The following PRKCE variants were observed in gnomAD, a reference collection of about 807,000 sequenced individuals.
The protein encoded by PRKCE is protein kinase C epsilon type.
PRKCE carries 16 observed loss-of-function variants against 85.4 expected under a neutral mutation model. That is an observed-to-expected ratio of 0.19 (90% CI 0.13 to 0.28). The LOEUF is 0.28. Ranked by LOEUF, PRKCE falls within the 10% of genes least tolerant of loss-of-function variation. PRKCE has a pLI of 1.00. For synonymous variants in PRKCE, 388 were observed against 371.5 expected, an observed-to-expected ratio of 1.04 and a Z score of -0.51; for missense variants, 573 against 975.2, an observed-to-expected ratio of 0.59 and a Z score of 5.49.
At chr2:46,096,911 A>C (rs67490391) in intron 11 of PRKCE, among the ~76,000 whole-genome samples, 21,632 of 152,176 alleles carry the variant, frequency 0.14, 1,663 homozygotes, top group Middle Eastern at 0.23. Context: ...ACTTGGCATA[A>C]ATTGTAATAG....
intron 14 of PRKCE, among the ~76,000 whole-genome samples, chr2:46,161,029 A>G (rs1055033736): frequency 1.3e-5 from 2 of 152,212 alleles, no homozygotes; most frequent in African/African-American, 4.8e-5. Flanking sequence ...GGGACAGCCC[A>G]GATTTAGGTT....
chr2:45,945,164 G>T (rs1700159771), intron 2 of PRKCE, among the ~76,000 whole-genome samples: 1 of 152,182 alleles, frequency 6.6e-6, no homozygotes, highest in Non-Finnish European at 1.5e-5. Flanking sequence ...TGCTGTGTGA[G>T]TCCATTCTTG....
chr2:45,690,338 C>T (rs1020481619), intron 1 of PRKCE, among the ~76,000 whole-genome samples: 41 of 152,334 alleles, frequency 2.7e-4, no homozygotes, highest in African/African-American at 9.4e-4. Flanking sequence ...TGTGCTGCTT[C>T]TCTTGGGGGA....
intron 10 of PRKCE, among the ~76,000 whole-genome samples, chr2:46,015,691 C>CAAAAAAAAAAAAAAAA (rs749060776): frequency 3.7e-5 from 3 of 80,800 alleles, no homozygotes; most frequent in Non-Finnish European, 4.9e-5. Context: ...AACACTAAAC[C>CAAAAAAAAAAAAAAAA]AAAAAAAAAA....
intron 11 of PRKCE, among the ~76,000 whole-genome samples, chr2:46,135,746 C>CTTTTTTTT (rs11417233): frequency 0.011 from 219 of 20,666 alleles, 76 homozygotes; most frequent in African/African-American, 0.036. Context: ...ACAAATTATG[C>CTTTTTTTT]TTTTTTTTTT....
At chr2:45,736,189 G>A (rs1682041835) in intron 1 of PRKCE, among the ~76,000 whole-genome samples, 1 of 152,086 alleles carries the variant, frequency 6.6e-6, no homozygotes, top group South Asian at 2.1e-4. Context: ...TTGAACTCCT[G>A]GCTTCAAGTG....
chr2:46,094,067 G>T (rs1272639568), intron 11 of PRKCE, among the ~76,000 whole-genome samples: 1 of 151,924 alleles, frequency 6.6e-6, no homozygotes, highest in Non-Finnish European at 1.5e-5. Flanking sequence ...TCTCCTTTTA[G>T]CATGTTTAGG....
chr2:45,699,416 G>A (rs57152435), intron 1 of PRKCE, among the ~76,000 whole-genome samples: 6,462 of 152,250 alleles, frequency 0.042, 184 homozygotes, highest in East Asian at 0.12. Flanking sequence ...CTTGATCAGA[G>A]CTCAGTAAAG....
chr2:45,983,171 C>T (rs1246871067), intron 5 of PRKCE, among the ~76,000 whole-genome samples: 1 of 152,230 alleles, frequency 6.6e-6, no homozygotes, highest in Non-Finnish European at 1.5e-5. Flanking sequence ...TCAGTGAAAT[C>T]TTGGTCCAAT....
intron 1 of PRKCE, among the ~76,000 whole-genome samples, chr2:45,689,947 C>A (rs917779896): frequency 2.0e-5 from 3 of 151,944 alleles, no homozygotes; most frequent in African/African-American, 7.2e-5. Context: ...ATCACAGACT[C>A]CCACTTCCCT....
In PRKCE at chr2:46,111,582, G is replaced by A. The variant is rs191386068; in HGVS notation, c.1592+25220G>A. ...TGTTCTGGACATTTTGCACAAATGG[G>A]ATCACACAATACATGGTTATTTGTT... On this transcript the variant is annotated intron_variant, in intron 11 of 14. Coordinates refer to ENST00000306156, the MANE Select transcript of PRKCE (RefSeq NM_005400.3). Among the ~76,000 whole-genome samples, 20 of 152,244 alleles carry A rather than the reference G, an allele frequency of 1.3e-4. 1 individual carries two copies. Among genetic ancestry groups the A allele is most frequent in the Non-Finnish European group, 1.9e-4 (13 of 68,012 alleles).
At chr2:45,749,905 C>G (rs192119366) in intron 1 of PRKCE, among the ~76,000 whole-genome samples, 40 of 152,230 alleles carry the variant, frequency 2.6e-4, no homozygotes, top group Admixed American at 2.6e-3. Context: ...TAACATTCTT[C>G]CAGAGGTATT....
chr2:45,839,663 A>G (rs71422175), intron 1 of PRKCE, among the ~76,000 whole-genome samples: 8,639 of 152,252 alleles, frequency 0.057, 385 homozygotes, highest in East Asian at 0.14. Flanking sequence ...TATCTGGACC[A>G]TGTAATCGTG....
At chr2:45,771,711 G>GTGTGTA (rs1553406551) in intron 1 of PRKCE, among the ~76,000 whole-genome samples, 2 of 86,962 alleles carry the variant, frequency 2.3e-5, no homozygotes, top group African/African-American at 6.2e-5. Flanking sequence ...GCGTGTGTGT[G>GTGTGTA]TGTGTGTGTG....
chr2:45,805,901 C>T (rs1234601180), intron 1 of PRKCE, among the ~76,000 whole-genome samples: 1 of 152,136 alleles, frequency 6.6e-6, no homozygotes, highest in Non-Finnish European at 1.5e-5. Context: ...ACCCAGCCTA[C>T]ATTACCTTCT....
intron 2 of PRKCE, among the ~76,000 whole-genome samples, chr2:45,969,644 C>A (rs1337779888): frequency 6.6e-6 from 1 of 152,166 alleles, no homozygotes; most frequent in Non-Finnish European, 1.5e-5. Context: ...TGCCAAGCAA[C>A]CCCCCACTCC....
At chr2:46,093,676 A>G (rs1023813694) in intron 11 of PRKCE, among the ~76,000 whole-genome samples, 5 of 152,118 alleles carry the variant, frequency 3.3e-5, no homozygotes, top group African/African-American at 1.2e-4. Context: ...TTACACAGGC[A>G]TGAACCATGG....
At chr2:45,950,060 G>A (rs1700521992) in intron 2 of PRKCE, among the ~76,000 whole-genome samples, 1 of 152,044 alleles carries the variant, frequency 6.6e-6, no homozygotes, top group Admixed American at 6.6e-5. Flanking sequence ...TGATGAGAAT[G>A]GTTATTACAT....
intron 1 of PRKCE, among the ~76,000 whole-genome samples, chr2:45,671,055 C>G (rs1558540504): frequency 6.6e-6 from 1 of 152,156 alleles, no homozygotes; most frequent in Non-Finnish European, 1.5e-5. Flanking sequence ...TCAGCTCTAG[C>G]CATACTTCAA....
Sources: gnomAD v4.1 joint callset for allele counts (sites outside exome capture counted in the v4.1 genomes callset) on GRCh38, gnomAD v4.1.1 for gene constraint, MANE v1.5 for transcripts, NCBI Gene and HGNC (gene_info 2026-07-23, HGNC 2026-07-21) for gene names.